Variants in ACACA observed in about 807,000 individuals in gnomAD.
The protein encoded by ACACA is acetyl-CoA carboxylase alpha, also known as acetyl-CoA carboxylase 1.
In ACACA, 103 loss-of-function variants were observed where a neutral mutation model predicts 296.1. The observed-to-expected ratio is 0.35, with a 90% CI of 0.30 to 0.41. The LOEUF (loss-of-function observed/expected upper bound fraction) is 0.41, where lower values mean the gene tolerates loss of function less well. ACACA is among the 10% of genes least tolerant of loss of function. The probability of loss-of-function intolerance (pLI) is 1.00; values close to 1 mark genes in which losing one functional copy is unlikely to be tolerated. For synonymous variants in ACACA, 953 were observed against 1,038.6 expected (o/e 0.92, Z 1.58); for missense variants, 1,554 against 2,989.7 (o/e 0.52, Z 11.20).
chr17:37,346,316 CAA>C (rs35348805), intron 1 of ACACA, among the ~76,000 whole-genome samples: 18 of 115,840 alleles, frequency 1.6e-4, no homozygotes, highest in East Asian at 2.4e-4. Context: ...GACTCTCTCT[CAA>C]AAAAAAAAAA....
chr17:37,379,577 G>C (rs2050155042), intron 1 of ACACA, among the ~76,000 whole-genome samples: 2 of 152,088 alleles, frequency 1.3e-5, no homozygotes. Context: ...CAGATGAGTA[G>C]GTTGCGAAAA....
intron 1 of ACACA, among the ~76,000 whole-genome samples, chr17:37,403,811 C>G (rs2051371698): frequency 6.6e-6 from 1 of 152,160 alleles, no homozygotes; most frequent in Non-Finnish European, 1.5e-5. Context: ...CAGACTCTTG[C>G]TCTGTTGAAC....
At chr17:37,131,527 A>G (rs2075097529) in intron 45 of ACACA, among the ~76,000 whole-genome samples, 1 of 152,178 alleles carries the variant, frequency 6.6e-6, no homozygotes, top group Non-Finnish European at 1.5e-5. Context: ...ACGACAATAC[A>G]AAATTTCTTC....
intron 1 of ACACA, among the ~76,000 whole-genome samples, chr17:37,370,983 C>CA (rs77796641): frequency 0.19 from 25,002 of 131,240 alleles, 2,749 homozygotes; most frequent in Admixed American, 0.35. Flanking sequence ...GACTCCATCT[C>CA]AAAAAAAAAA....
At chr17:37,336,762 G>A (rs2048137819) in intron 2 of ACACA, among the ~76,000 whole-genome samples, 1 of 152,152 alleles carries the variant, frequency 6.6e-6, no homozygotes, top group African/African-American at 2.4e-5. Flanking sequence ...GATAATAAAT[G>A]TATTATTAAT....
intron 1 of ACACA, among the ~76,000 whole-genome samples, chr17:37,352,279 C>T (rs1169007387): frequency 1.3e-5 from 2 of 152,066 alleles, no homozygotes. Flanking sequence ...GAGACATAAA[C>T]TAAGTCGTTA....
chr17:37,282,296 C>T (rs1159106077), intron 5 of ACACA, among the ~76,000 whole-genome samples: 4 of 152,166 alleles, frequency 2.6e-5, no homozygotes, highest in African/African-American at 9.7e-5. Context: ...TTCATCTTCC[C>T]CCAGTAAGTG....
intron 29 of ACACA, among the ~76,000 whole-genome samples, chr17:37,221,008 A>T (rs1368192426): frequency 1.3e-5 from 2 of 152,196 alleles, no homozygotes; most frequent in Non-Finnish European, 2.9e-5. Context: ...GAGGGGATGA[A>T]CCTATGTGTG....
At chr17:37,144,243 C>T (rs547929943) in intron 45 of ACACA, 6 of 692,564 alleles carry the variant, frequency 8.7e-6, no homozygotes, top group Admixed American at 5.6e-5. Flanking sequence ...ACAAAAAATG[C>T]GTATGACAAC....
intron 1 of ACACA, chr17:37,367,019 C>G (rs989543025): frequency 6.6e-6 from 1 of 151,778 alleles, no homozygotes; most frequent in Non-Finnish European, 1.5e-5. Flanking sequence ...ATCCGGGAGG[C>G]GGAGGTTGCA....
chr17:37,125,872 G>A (rs1297222938), intron 47 of ACACA, 78 bp from the exon 48 acceptor site: 1 of 1,253,648 alleles, frequency 8.0e-7, no homozygotes, highest in African/African-American at 1.5e-5. Flanking sequence ...ACGAATTTAA[G>A]GTGGTTTGGG....
intron 1 of ACACA, chr17:37,389,200 G>A: frequency 6.5e-7 from 1 of 1,542,516 alleles, no homozygotes; most frequent in African/African-American, 1.4e-5. Context: ...AAAACCAAAT[G>A]CTTACCAGCC....
chr17:37,141,753 G>A (rs1038691303), intron 45 of ACACA, among the ~76,000 whole-genome samples: 1 of 151,868 alleles, frequency 6.6e-6, no homozygotes, highest in East Asian at 1.9e-4. Flanking sequence ...GTGCAATGGT[G>A]CAATCTTGGC....
intron 3 of ACACA, among the ~76,000 whole-genome samples, chr17:37,326,144 G>A (rs949047228): frequency 1.3e-5 from 2 of 150,984 alleles, no homozygotes; most frequent in African/African-American, 4.9e-5. Context: ...GGGAGGCGGA[G>A]GTTGCAGTGG....
intron 3 of ACACA, among the ~76,000 whole-genome samples, chr17:37,314,249 G>A (rs1347672226): frequency 2.0e-5 from 3 of 151,654 alleles, no homozygotes; most frequent in East Asian, 1.9e-4. Context: ...ACAGGTGCCC[G>A]CCACCATGCA....
At chr17:37,348,168 A>T (rs1467355357) in intron 1 of ACACA, among the ~76,000 whole-genome samples, 1 of 150,180 alleles carries the variant, frequency 6.7e-6, no homozygotes, top group East Asian at 1.9e-4. Flanking sequence ...AAAAAAAAAA[A>T]TTTAAAGTGA....
chr17:37,335,437 C>T (rs890809455), intron 2 of ACACA, among the ~76,000 whole-genome samples: 8 of 152,162 alleles, frequency 5.3e-5, no homozygotes, highest in Admixed American at 5.2e-4. Context: ...GTGGGTAACT[C>T]CTCCCACACG....
At chr17:37,150,121 C>T (rs906903251) in intron 44 of ACACA, 147 bp from the exon 45 acceptor site, 3 of 734,652 alleles carry the variant, frequency 4.1e-6, no homozygotes, top group Non-Finnish European at 6.9e-6. Flanking sequence ...CACACACACA[C>T]AAATTTCATG....
intron 39 of ACACA, among the ~76,000 whole-genome samples, chr17:37,187,531 T>C (rs543389181): frequency 2.0e-5 from 3 of 152,318 alleles, no homozygotes; most frequent in East Asian, 3.9e-4. Flanking sequence ...TTCAGTATCA[T>C]AGTAAAGAGC....
Sources: gnomAD v4.1 joint callset for allele counts (sites outside exome capture counted in the v4.1 genomes callset) on GRCh38, gnomAD v4.1.1 for gene constraint, MANE v1.5 for transcripts, NCBI Gene and HGNC (gene_info 2026-07-23, HGNC 2026-07-21) for gene names.